The following MAGI2 variants were observed in gnomAD, a reference collection of about 807,000 sequenced individuals.
The protein encoded by MAGI2 is membrane associated guanylate kinase, WW and PDZ domain containing 2.
In MAGI2, 35 loss-of-function variants were observed where a neutral mutation model predicts 133.3. The observed-to-expected ratio is 0.26, with a 90% CI of 0.20 to 0.35. The LOEUF (loss-of-function observed/expected upper bound fraction) is 0.35, where lower values mean the gene tolerates loss of function less well. Ranked by LOEUF, MAGI2 falls within the 10% of genes least tolerant of loss-of-function variation. MAGI2 has a pLI of 1.00. For missense variants in MAGI2, 1,636 were observed against 1,863.4 expected (o/e 0.88, Z 2.25); for synonymous variants, 729 against 710.6 (o/e 1.03, Z -0.41).
At chr7:78,331,291 C>A (rs571562840) in intron 9 of MAGI2, among the ~76,000 whole-genome samples, 4 of 151,718 alleles carry the variant, frequency 2.6e-5, no homozygotes, top group African/African-American at 9.7e-5. Flanking sequence ...ATCATGCATA[C>A]CCCAAACCTC....
chr7:79,385,058 C>T (rs1237704482), intron 1 of MAGI2, among the ~76,000 whole-genome samples: 2 of 151,580 alleles, frequency 1.3e-5, no homozygotes, highest in Non-Finnish European at 3.0e-5. Flanking sequence ...CCAACAGCAC[C>T]ATTATTTTCT....
chr7:78,896,880 G>A lies in MAGI2; in HGVS notation c.418+110210C>T, dbSNP rs557567558. Reference sequence around the variant, plus strand: ...CAACGATATTCATTGCCTCTTTGGCGTCATTGCCACCAACTATGATAACAA... The same window carrying A: ...CAACGATATTCATTGCCTCTTTGGCATCATTGCCACCAACTATGATAACAA... On this transcript the variant is annotated intron_variant, in intron 2 of 21. Transcript: ENST00000354212. Among the ~76,000 whole-genome samples, 20 of 152,202 alleles carry A rather than the reference G, an allele frequency of 1.3e-4. No homozygotes were observed. In the South Asian group the frequency reaches 1.9e-3, roughly 14 times the overall value.
intron 2 of MAGI2, among the ~76,000 whole-genome samples, chr7:78,988,799 A>G (rs1007058381): frequency 3.3e-5 from 5 of 152,038 alleles, no homozygotes; most frequent in Non-Finnish European, 5.9e-5. Flanking sequence ...GAGGATGACT[A>G]TTTTTGAGTC....
intron 7 of MAGI2, among the ~76,000 whole-genome samples, chr7:78,346,572 G>A (rs914058815): frequency 3.3e-5 from 5 of 152,174 alleles, no homozygotes; most frequent in African/African-American, 1.2e-4. Flanking sequence ...GAATACATAT[G>A]TAGGACAGTT....
intron 1 of MAGI2, among the ~76,000 whole-genome samples, chr7:79,407,125 T>C (rs778304950): frequency 6.6e-6 from 1 of 152,164 alleles, no homozygotes; most frequent in Non-Finnish European, 1.5e-5. Flanking sequence ...ATGCGTTTTG[T>C]AAAATGTAAT....
intron 1 of MAGI2, among the ~76,000 whole-genome samples, chr7:79,232,307 T>C (rs1367768706): frequency 3.4e-5 from 5 of 145,606 alleles, no homozygotes; most frequent in Admixed American, 2.1e-4. Flanking sequence ...GCTGGCCTCA[T>C]AAAATGAGTT....
intron 1 of MAGI2, among the ~76,000 whole-genome samples, chr7:79,044,152 C>A (rs191852217): frequency 6.6e-6 from 1 of 152,212 alleles, no homozygotes; most frequent in East Asian, 1.9e-4. Context: ...AGGTCAATAT[C>A]CCTAATGAAC....
At chr7:78,533,130 A>G (rs1797606108) in intron 3 of MAGI2, among the ~76,000 whole-genome samples, 1 of 152,230 alleles carries the variant, frequency 6.6e-6, no homozygotes, top group African/African-American at 2.4e-5. Context: ...TTTAGTAGAG[A>G]GGAAATCAAC....
chr7:78,557,239 T>A (rs567465643), intron 3 of MAGI2, among the ~76,000 whole-genome samples: 1 of 152,252 alleles, frequency 6.6e-6, no homozygotes, highest in East Asian at 1.9e-4. Context: ...ATTGCCAATT[T>A]CTGCATTCAT....
At chr7:79,020,023 GT>G (rs1319322301) in intron 1 of MAGI2, among the ~76,000 whole-genome samples, 1 of 152,240 alleles carries the variant, frequency 6.6e-6, no homozygotes, top group East Asian at 1.9e-4. Flanking sequence ...ATGTGCGAAA[GT>G]TTGTAACTTC....
At chr7:79,186,236 A>ATATATATATATATATATATT (rs1827123197) in intron 1 of MAGI2, among the ~76,000 whole-genome samples, 1 of 122,582 alleles carries the variant, frequency 8.2e-6, no homozygotes, top group Admixed American at 8.4e-5. Context: ...ATATATATAT[A>ATATATATATATATATATATT]TATATATTTA....
chr7:78,117,434 T>C (rs942950899), intron 20 of MAGI2, among the ~76,000 whole-genome samples: 1 of 152,020 alleles, frequency 6.6e-6, no homozygotes, highest in African/African-American at 2.4e-5. Context: ...AAAGATCAGA[T>C]GGTATTGTCT....
At chr7:78,132,602 C>T (rs1168992294) in intron 18 of MAGI2, among the ~76,000 whole-genome samples, 1 of 152,230 alleles carries the variant, frequency 6.6e-6, no homozygotes, top group African/African-American at 2.4e-5. Flanking sequence ...GTTCTTCACT[C>T]TGGACTCTCT....
chr7:78,755,407 G>T (rs921371202), intron 2 of MAGI2, among the ~76,000 whole-genome samples: 3 of 152,296 alleles, frequency 2.0e-5, no homozygotes, highest in African/African-American at 4.8e-5. Flanking sequence ...CAATGGGAAA[G>T]CTGAATTCTA....
At chr7:78,327,166 C>T (rs1337848503) in intron 9 of MAGI2, among the ~76,000 whole-genome samples, 1 of 152,212 alleles carries the variant, frequency 6.6e-6, no homozygotes, top group East Asian at 1.9e-4. Context: ...CCTTGCCCAG[C>T]AGGCAGCTCT....
rs138477759 is a variant in MAGI2 at position 78,989,843 on chromosome 7, TCAG to T, written c.418+17244_418+17246del. Among the ~76,000 whole-genome samples the T allele has an allele frequency of 4.4e-3, 671 of 152,072 alleles. 7 individuals are homozygous for T. Among genetic ancestry groups the T allele is most frequent in the African/African-American group, 0.016 (656 of 41,522 alleles). On this transcript the variant is annotated intron_variant, in intron 2 of 21. Transcript: ENST00000354212. ...ATCCAAATAACTGTCACAGAACAACTCAGCTGCTGTTGCCTTTCTTGCTCTACT... is the reference window on the plus strand; with the variant it reads ...ATCCAAATAACTGTCACAGAACAACTCTGCTGTTGCCTTTCTTGCTCTACT...
At chr7:79,382,755 A>G (rs1843887176) in intron 1 of MAGI2, among the ~76,000 whole-genome samples, 1 of 151,590 alleles carries the variant, frequency 6.6e-6, no homozygotes, top group Non-Finnish European at 1.5e-5. Flanking sequence ...AGGTTTTTTC[A>G]TTTTAGGACA....
At position 78,261,341 on chromosome 7, in the gene MAGI2, A is replaced by G. The variant is rs1249649689; in HGVS notation, c.1409-4760T>C. On this transcript the variant is annotated intron_variant, in intron 9 of 21. Coordinates refer to ENST00000354212, the MANE Select transcript of MAGI2 (RefSeq NM_012301.4). ...AGAGCACTTCCTTTCTATGTATGGA[A>G]TCATGCCTACCAATTCATTTCCTTC... 4.6e-5 allele frequency among the ~76,000 whole-genome samples: 7 copies of G among 152,258 alleles called. No homozygotes were observed. The South Asian group carries it at 1.5e-3, about 32-fold the overall frequency.
intron 2 of MAGI2, among the ~76,000 whole-genome samples, chr7:78,770,305 G>A (rs375074932): frequency 5.3e-5 from 8 of 152,098 alleles, no homozygotes; most frequent in African/African-American, 2.4e-5. Flanking sequence ...AATTTTTTAA[G>A]CTTCGGCTCC....
Sources: gnomAD v4.1 joint callset for allele counts (sites outside exome capture counted in the v4.1 genomes callset) on GRCh38, gnomAD v4.1.1 for gene constraint, MANE v1.5 for transcripts, NCBI Gene and HGNC (gene_info 2026-07-23, HGNC 2026-07-21) for gene names.